Variants in MAN1A2 observed in about 807,000 individuals in gnomAD.
The protein encoded by MAN1A2 is mannosidase alpha class 1A member 2, also known as mannosyl-oligosaccharide 1,2-alpha-mannosidase IB.
In MAN1A2, 26 loss-of-function variants were observed where a neutral mutation model predicts 75.7. That is an observed-to-expected ratio of 0.34 (90% CI 0.25 to 0.48). MAN1A2 has a LOEUF of 0.48. Ranked by LOEUF, MAN1A2 falls within the 20% of genes least tolerant of loss-of-function variation. MAN1A2 has a pLI of 0.99. For missense variants in MAN1A2, 562 were observed against 775.5 expected (o/e 0.72, Z 3.27); for synonymous variants, 247 against 264.6 (o/e 0.93, Z 0.65).
intron 1 of MAN1A2, among the ~76,000 whole-genome samples, chr1:117,384,702 CCCTT>C (rs1653463740): frequency 6.6e-6 from 1 of 152,046 alleles, no homozygotes; most frequent in Non-Finnish European, 1.5e-5. Context: ...GTCTGTTTCT[CCCTT>C]CATTTCTGGC....
chr1:117,377,038 C>T (rs1186317889), intron 1 of MAN1A2, among the ~76,000 whole-genome samples: 2 of 152,022 alleles, frequency 1.3e-5, no homozygotes, highest in African/African-American at 4.8e-5. Context: ...TCATGGATAT[C>T]AAGGAACAAC....
intron 1 of MAN1A2, among the ~76,000 whole-genome samples, chr1:117,386,275 C>T (rs1653522422): frequency 6.6e-6 from 1 of 152,114 alleles, no homozygotes; most frequent in Admixed American, 6.6e-5. Flanking sequence ...TATAAATAGA[C>T]TTTCTAGACT....
chr1:117,420,584 G>A lies in MAN1A2; in HGVS notation c.790G>A (p.Val264Met). 1 of 1,611,964 alleles carries A rather than the reference G, an allele frequency of 6.2e-7. No individual in the cohort carries two copies. Among genetic ancestry groups the A allele is most frequent in the East Asian group, 2.2e-5 (1 of 44,830 alleles). The change falls in exon 5 of 13, where the codon GTG becomes ATG. Residue 264 changes from valine to methionine, a missense_variant. By Grantham distance (21) the Val-to-Met change is conservative (BLOSUM62 1). This residue lies in a region of MAN1A2 where 434 missense variants were observed against 645.7 expected (regional missense o/e 0.67). Transcript: ENST00000356554. ...TTTTTCACAGAATTCAGAGGTGTCTGTGTTTGAAGTCAACATTCGATTTAT... is the reference window on the plus strand; with the variant it reads ...TTTTTCACAGAATTCAGAGGTGTCTATGTTTGAAGTCAACATTCGATTTAT... ...LDFSVNSEVS[V>M]FEVNIRFIGG...
chr1:117,447,615 T>A (rs1328154806), intron 6 of MAN1A2, among the ~76,000 whole-genome samples: 1 of 152,210 alleles, frequency 6.6e-6, no homozygotes, highest in Non-Finnish European at 1.5e-5. Flanking sequence ...AAAATATGGT[T>A]TACTTTTATT....
chr1:117,483,746 C>A (rs1425012520), intron 8 of MAN1A2, among the ~76,000 whole-genome samples: 2 of 152,048 alleles, frequency 1.3e-5, no homozygotes. Context: ...TGCCTGATTG[C>A]CCTGGCCAGA....
chr1:117,416,671 GA>G lies in MAN1A2; in HGVS notation c.774+1842del, dbSNP rs372150405. Among the ~76,000 whole-genome samples the G allele has an allele frequency of 3.8e-3, 585 of 152,264 alleles. 7 individuals are homozygous for G. Among genetic ancestry groups the G allele is most frequent in the African/African-American group, 0.013 (556 of 41,542 alleles). On this transcript the variant is annotated intron_variant, in intron 4 of 12. Transcript: ENST00000356554. ...AAAAGAGAGCATTGTGATATCACCA[GA>G]AGTATTAACTCTAGGAAACAGGAAA...
At chr1:117,370,738 AGTGTGTGTGTGT>A (rs71658400) in intron 1 of MAN1A2, among the ~76,000 whole-genome samples, 1 of 148,212 alleles carries the variant, frequency 6.7e-6, no homozygotes, top group Admixed American at 6.7e-5. Context: ...ATCTTCATTT[AGTGTGTGTGTGT>A]GTGTGTGTGT....
intron 1 of MAN1A2, among the ~76,000 whole-genome samples, chr1:117,381,305 T>C (rs1653325864): frequency 6.6e-6 from 1 of 152,114 alleles, no homozygotes; most frequent in African/African-American, 2.4e-5. Context: ...CATTTAGCAT[T>C]AGGTATATCT....
chr1:117,487,120 G>A (rs1040552807), intron 8 of MAN1A2, among the ~76,000 whole-genome samples: 20 of 152,084 alleles, frequency 1.3e-4, no homozygotes, highest in Admixed American at 1.0e-3. Context: ...TTTGATACCC[G>A]TATGAAATAA....
intron 12 of MAN1A2, among the ~76,000 whole-genome samples, chr1:117,506,526 T>G (rs1209643364): frequency 6.6e-6 from 1 of 151,578 alleles, no homozygotes; most frequent in Non-Finnish European, 1.5e-5. Flanking sequence ...ACAAAAACTA[T>G]GTAATGAGGA....
chr1:117,521,270 A>T (rs1053494829), intron 12 of MAN1A2, among the ~76,000 whole-genome samples: 1 of 152,022 alleles, frequency 6.6e-6, no homozygotes, highest in African/African-American at 2.4e-5. Flanking sequence ...ATGACCAAGA[A>T]CCCAAAAGCA....
At chr1:117,499,739 TAAATATATATTA>T (rs1430329408) in intron 11 of MAN1A2, among the ~76,000 whole-genome samples, 185 bp downstream of exon 11, 3 of 148,306 alleles carry the variant, frequency 2.0e-5, no homozygotes, top group African/African-American at 7.4e-5. Context: ...CGATATATAT[TAAATATATATTA>T]AAATATATTA....
At chr1:117,520,684 A>C (rs189374149) in intron 12 of MAN1A2, among the ~76,000 whole-genome samples, 1 of 152,172 alleles carries the variant, frequency 6.6e-6, no homozygotes, top group East Asian at 1.9e-4. Flanking sequence ...ACACAAACAG[A>C]TGGAAACATC....
At chr1:117,399,937 A>T (rs933224610) in intron 1 of MAN1A2, among the ~76,000 whole-genome samples, 1 of 152,106 alleles carries the variant, frequency 6.6e-6, no homozygotes, top group Non-Finnish European at 1.5e-5. Context: ...ATTAACATAG[A>T]TGGATTATGA....
intron 10 of MAN1A2, among the ~76,000 whole-genome samples, chr1:117,498,006 A>G (rs1055478728): frequency 2.0e-5 from 3 of 151,990 alleles, no homozygotes; most frequent in Non-Finnish European, 2.9e-5. Context: ...TTATTTTTAT[A>G]CAGTAAGGAA....
At chr1:117,372,972 T>C (rs973185957) in intron 1 of MAN1A2, among the ~76,000 whole-genome samples, 2 of 152,170 alleles carry the variant, frequency 1.3e-5, no homozygotes, top group Non-Finnish European at 2.9e-5. Context: ...TAAATAAGGC[T>C]GCATCTTAGT....
At chr1:117,408,389 T>C (rs1442181755) in intron 3 of MAN1A2, among the ~76,000 whole-genome samples, 4 of 152,134 alleles carry the variant, frequency 2.6e-5, no homozygotes, top group Non-Finnish European at 4.4e-5. Context: ...TAGGTCTTTT[T>C]GCATGTAGAA....
intron 12 of MAN1A2, among the ~76,000 whole-genome samples, chr1:117,503,615 C>G (rs923413835): frequency 3.3e-5 from 5 of 151,506 alleles, no homozygotes; most frequent in Admixed American, 6.6e-5. Context: ...AAATAAATAT[C>G]TCTTCATACT....
At chr1:117,452,077 A>C (rs916489749) in intron 6 of MAN1A2, among the ~76,000 whole-genome samples, 1 of 151,950 alleles carries the variant, frequency 6.6e-6, no homozygotes, top group African/African-American at 2.4e-5. Flanking sequence ...GAGGCCGAGG[A>C]AGGTGGATCA....
Sources: gnomAD v4.1 joint callset for allele counts (sites outside exome capture counted in the v4.1 genomes callset) on GRCh38, gnomAD v4.1.1 for gene constraint, gnomAD v4.1.1 regional missense constraint, MANE v1.5 for transcripts, NCBI Gene and HGNC (gene_info 2026-07-23, HGNC 2026-07-21) for gene names.